Variants in PHLDB2 observed in about 807,000 individuals in gnomAD.
PHLDB2 encodes the protein pleckstrin homology-like domain family B member 2.
Under a neutral mutation model 123.6 loss-of-function variants are expected in PHLDB2, and 71 were observed. The ratio of observed to expected loss-of-function variants is 0.57; its 90% CI spans 0.47 to 0.70. PHLDB2 has a LOEUF of 0.70. PHLDB2 is among the 30% of genes least tolerant of loss of function. The probability of loss-of-function intolerance (pLI) is 0.00; values close to 1 mark genes in which losing one functional copy is unlikely to be tolerated. For synonymous variants in PHLDB2, 547 were observed against 541.6 expected, an observed-to-expected ratio of 1.01 and a Z score of -0.14; for missense variants, 1,446 against 1,519.5, an observed-to-expected ratio of 0.95 and a Z score of 0.80.
intron 11 of PHLDB2, among the ~76,000 whole-genome samples, chr3:111,953,064 T>A (rs2070810531): frequency 6.6e-6 from 1 of 152,178 alleles, no homozygotes; most frequent in Admixed American, 6.5e-5. Context: ...ATTCAGACAT[T>A]TTCATGTAGC....
chr3:111,819,745 CCTTG>C lies in PHLDB2; in HGVS notation c.-48-26072_-48-26069del, dbSNP rs535441179. On this transcript the variant is annotated intron_variant, in intron 1 of 17. Transcript: ENST00000393923. ...AGTGTCGTTTGTCCTTCAGAAGATA[CCTTG>C]CTTATTTGTCCTTTAGAATATACAA... is the stretch of plus-strand genomic sequence containing the variant. Among the ~76,000 whole-genome samples, 358 of 152,180 alleles carry C rather than the reference CCTTG, an allele frequency of 2.4e-3. 1 individual carries two copies. The highest frequency in any genetic ancestry group is 3.9e-3 in the Non-Finnish European group (263 of 68,008).
chr3:111,851,906 GTCC>G (rs2064271026), intron 2 of PHLDB2, among the ~76,000 whole-genome samples: 1 of 150,468 alleles, frequency 6.6e-6, no homozygotes, highest in South Asian at 2.1e-4. Context: ...TGGCTTTACT[GTCC>G]TCCTACATTG....
chr3:111,969,940 C>T, intron 16 of PHLDB2, 31 bp downstream of exon 16: 3 of 1,599,802 alleles, frequency 1.9e-6, no homozygotes, highest in Non-Finnish European at 8.6e-7. Context: ...AAGCCATATA[C>T]TCAAATCAAG....
intron 1 of PHLDB2, among the ~76,000 whole-genome samples, chr3:111,767,577 CT>C (rs1368057956): frequency 2.6e-5 from 4 of 152,144 alleles, no homozygotes; most frequent in Non-Finnish European, 5.9e-5. Flanking sequence ...TTTTTATTAT[CT>C]GAAAATCAGG....
At chr3:111,966,758 G>GCACCA in intron 14 of PHLDB2, 55 bp downstream of exon 14, 3 of 1,432,740 alleles carry the variant, frequency 2.1e-6, no homozygotes, top group Non-Finnish European at 2.9e-6. Context: ...CAGGAGCCCT[G>GCACCA]CGCTTGGCAT....
Position 111,837,952 on chromosome 3 carries a change from G to A in PHLDB2, c.-48-7869G>A, listed in dbSNP as rs571456767. Among the ~76,000 whole-genome samples, 173 of 152,108 alleles carry A rather than the reference G, an allele frequency of 1.1e-3. 1 individual carries two copies. Among genetic ancestry groups the A allele is most frequent in the African/African-American group, 4.0e-3 (167 of 41,500 alleles). The stretch of plus-strand genomic sequence containing the variant: ...CAGCTACTCGGGAACTGCAGCATGA[G>A]AATCACTTGAACCCGGGAGGTGGAG... On this transcript the variant is annotated intron_variant, in intron 1 of 17. Coordinates refer to the PHLDB2 transcript ENST00000393923.
chr3:111,866,014 A>ATGTTTTTTTTT (rs745656795), intron 1 of PHLDB2, among the ~76,000 whole-genome samples: 1 of 57,430 alleles, frequency 1.7e-5, no homozygotes, highest in Non-Finnish European at 3.0e-5. Flanking sequence ...CCACCCACTC[A>ATGTTTTTTTTT]TTTTTTTTTT....
intron 1 of PHLDB2, among the ~76,000 whole-genome samples, chr3:111,796,725 C>A (rs1388480796): frequency 1.3e-5 from 2 of 152,010 alleles, no homozygotes. Flanking sequence ...CAGGGTCTTG[C>A]CATGTTAGCC....
intron 2 of PHLDB2, among the ~76,000 whole-genome samples, chr3:111,847,149 A>T (rs2064031769): frequency 6.6e-6 from 1 of 152,304 alleles, no homozygotes; most frequent in South Asian, 2.1e-4. Context: ...ATTTGTTTTC[A>T]TGCTAATCTG....
intron 1 of PHLDB2, among the ~76,000 whole-genome samples, chr3:111,822,317 G>GTGTGTGTGTGTGTGTA (rs1553734228): frequency 5.4e-5 from 8 of 147,912 alleles, no homozygotes; most frequent in South Asian, 4.3e-4. Flanking sequence ...GTGTGTGTGT[G>GTGTGTGTGTGTGTGTA]TATATATATA....
chr3:111,967,440 T>C (rs1392529271), intron 14 of PHLDB2, among the ~76,000 whole-genome samples: 1 of 152,224 alleles, frequency 6.6e-6, no homozygotes, highest in Non-Finnish European at 1.5e-5. Context: ...AGCTGGATTT[T>C]CACTGAAGAC....
chr3:111,883,823 G>A lies in PHLDB2; in HGVS notation c.-14-241G>A, dbSNP rs1234935697. 14 of 428,520 alleles carry A rather than the reference G, an allele frequency of 3.3e-5. No homozygotes were observed. In the Admixed American group the frequency reaches 4.1e-4, roughly 12 times the overall value. The allele number at this position is 428,520 out of a possible 1,614,324, so 26.5% of individuals were successfully genotyped here. A position where few individuals can be genotyped will look rare whatever the true frequency, so the allele number is the denominator to read the frequency against. Reference sequence around the variant, plus strand: ...CTTTACTTGGTTAGGGATTTGTTTCGCTCAAATGTCATTGCTGTCCTTTTA... The same window carrying A: ...CTTTACTTGGTTAGGGATTTGTTTCACTCAAATGTCATTGCTGTCCTTTTA... On this transcript the variant is annotated intron_variant, in intron 1 of 17. Coordinates refer to ENST00000431670, the MANE Select transcript of PHLDB2 (RefSeq NM_001134438.2).
At chr3:111,838,246 C>T (rs564117290) in intron 1 of PHLDB2, among the ~76,000 whole-genome samples, 31 of 152,246 alleles carry the variant, frequency 2.0e-4, no homozygotes, top group Middle Eastern at 6.8e-3. Flanking sequence ...AGCAGTCTTC[C>T]CGCCTTTATC....
In PHLDB2 at chr3:111,850,096, T is replaced by C. The variant is rs1198795352; in HGVS notation, c.67+4161T>C. Among the ~76,000 whole-genome samples, 3 of 151,760 alleles carry C rather than the reference T, an allele frequency of 2.0e-5. No individual in the cohort carries two copies. The East Asian group carries it at 5.9e-4, about 30-fold the overall frequency. On this transcript the variant is annotated intron_variant, in intron 2 of 17. Transcript: ENST00000393923. ...CAGGATGGTCTCGATCTCCTGACCTTGTGATCCACCCACCTCGGCCTCCCC... is the reference window on the plus strand; with the variant it reads ...CAGGATGGTCTCGATCTCCTGACCTCGTGATCCACCCACCTCGGCCTCCCC...
intron 1 of PHLDB2, among the ~76,000 whole-genome samples, chr3:111,781,482 T>C (rs184723604): frequency 6.6e-6 from 1 of 152,234 alleles, no homozygotes; most frequent in East Asian, 1.9e-4. Flanking sequence ...CCAATACCAA[T>C]ACCAAACTTA....
chr3:111,927,849 C>A (rs1468259260), intron 5 of PHLDB2, among the ~76,000 whole-genome samples: 1 of 152,156 alleles, frequency 6.6e-6, no homozygotes, highest in Non-Finnish European at 1.5e-5. Flanking sequence ...CTAGAATATT[C>A]TGTGTAGTAT....
At chr3:111,966,255 A>AT (rs1253221245) in intron 13 of PHLDB2, among the ~76,000 whole-genome samples, 1 of 152,100 alleles carries the variant, frequency 6.6e-6, no homozygotes, top group Non-Finnish European at 1.5e-5. Context: ...ATGGGTCATT[A>AT]TTTTTAGACT....
chr3:111,789,110 C>T (rs2060808678), intron 1 of PHLDB2, among the ~76,000 whole-genome samples: 1 of 152,196 alleles, frequency 6.6e-6, no homozygotes, highest in African/African-American at 2.4e-5. Context: ...ATCGTCACTG[C>T]AGGTATTTTT....
chr3:111,812,544 G>A (rs910408542), intron 1 of PHLDB2, among the ~76,000 whole-genome samples: 2 of 152,164 alleles, frequency 1.3e-5, no homozygotes, highest in African/African-American at 4.8e-5. Context: ...TGACCTCATT[G>A]GGAGATTTTC....
Sources: gnomAD v4.1 joint callset for allele counts (sites outside exome capture counted in the v4.1 genomes callset) on GRCh38, gnomAD v4.1.1 for gene constraint, MANE v1.5 for transcripts, NCBI Gene and HGNC (gene_info 2026-07-23, HGNC 2026-07-21) for gene names.